The following GRIP2 variants were observed in gnomAD, a reference collection of about 807,000 sequenced individuals.
The protein encoded by GRIP2 is glutamate receptor interacting protein 2.
GRIP2 carries 58 observed loss-of-function variants against 108.3 expected under a neutral mutation model. That is an observed-to-expected ratio of 0.54 (90% confidence interval 0.43 to 0.67). The LOEUF (loss-of-function observed/expected upper bound fraction) is 0.67. Among genes scored for constraint, GRIP2 ranks in the 30% least tolerant of loss-of-function variants. The pLI is 0.00. For missense variants in GRIP2, 1,278 were observed against 1,430.6 expected (o/e 0.89, Z 1.72); for synonymous variants, 586 against 598.2 (o/e 0.98, Z 0.30).
chr3:14,554,285 C>G (rs1486669623), intron 1 of GRIP2, among the ~76,000 whole-genome samples: 2 of 152,170 alleles, frequency 1.3e-5, no homozygotes, highest in East Asian at 3.9e-4. Flanking sequence ...TCCTGCATCT[C>G]CAAGATGCAG....
chr3:14,565,148 T>A, the GRIP2 span, among the ~76,000 whole-genome samples: 1 of 152,088 alleles, frequency 6.6e-6, no homozygotes, highest in Non-Finnish European at 1.5e-5. Context: ...CGCTCTTCCC[T>A]GGGCACCAGC....
At chr3:14,580,185 T>A in the GRIP2 span, among the ~76,000 whole-genome samples, 1 of 152,182 alleles carries the variant, frequency 6.6e-6, no homozygotes. Flanking sequence ...CCAACACTCA[T>A]TTACAAGTAG....
chr3:14,597,558 G>GT, the GRIP2 span, among the ~76,000 whole-genome samples: 77 of 152,162 alleles, frequency 5.1e-4, no homozygotes, highest in Non-Finnish European at 6.0e-4. Flanking sequence ...ATGTGTTTTG[G>GT]TTTTTTTAAA....
rs1701343715 is a variant in GRIP2 at position 14,491,801 on chromosome 3, C to A, written c.*1864G>T. On this transcript the variant is annotated 3_prime_UTR_variant, in exon 24 of 24. Transcript: ENST00000621039. The stretch of plus-strand genomic sequence containing the variant: ...GTCACACAGCTATGGCTGCTTGCAT[C>A]CAGAAGCCACACCTCTGCTGTGCTG... The A allele has an allele frequency of 6.6e-6, 1 of 152,316 alleles. No homozygotes were observed. Among genetic ancestry groups the A allele is most frequent in the Non-Finnish European group, 1.5e-5 (1 of 68,098 alleles). 9.4% of individuals were successfully genotyped at this position (152,316 alleles called of 1,614,324 possible). A position where few individuals can be genotyped will look rare whatever the true frequency, so the allele number is the denominator to read the frequency against.
chr3:14,508,594 C>A (rs926118288), intron 17 of GRIP2, among the ~76,000 whole-genome samples: 1 of 151,952 alleles, frequency 6.6e-6, no homozygotes, highest in African/African-American at 2.4e-5. Context: ...GGATAGTGAG[C>A]GAGTCAGGGA....
intron 1 of GRIP2, among the ~76,000 whole-genome samples, chr3:14,538,261 G>A (rs1049426522): frequency 1.3e-5 from 2 of 152,198 alleles, no homozygotes; most frequent in Non-Finnish European, 2.9e-5. Context: ...ACCAGCAACA[G>A]GGGAGGTCAC....
upstream of GRIP2, among the ~76,000 whole-genome samples, chr3:14,543,175 G>A (rs1230905972): frequency 6.6e-6 from 1 of 152,182 alleles, no homozygotes; most frequent in Non-Finnish European, 1.5e-5. Flanking sequence ...CCAGGCCTGG[G>A]GTGGTCTACT....
At chr3:14,500,244 T>A in intron 21 of GRIP2, among the ~76,000 whole-genome samples, 1 of 151,984 alleles carries the variant, frequency 6.6e-6, no homozygotes, top group East Asian at 1.9e-4. Context: ...AAGGAAAAGT[T>A]AAGAGACATG....
chr3:14,579,776 C>A, the GRIP2 span, among the ~76,000 whole-genome samples: 1 of 152,340 alleles, frequency 6.6e-6, no homozygotes, highest in East Asian at 1.9e-4. Flanking sequence ...GTGCCATCAA[C>A]CCTTATCAAA....
intron 22 of GRIP2, among the ~76,000 whole-genome samples, chr3:14,495,794 T>TCA (rs1490809996): frequency 6.6e-6 from 1 of 152,076 alleles, no homozygotes; most frequent in East Asian, 1.9e-4. Context: ...TACATAGACG[T>TCA]CACACACACA....
chr3:14,552,034 C>T (rs959272752), intron 1 of GRIP2, among the ~76,000 whole-genome samples: 17 of 151,998 alleles, frequency 1.1e-4, no homozygotes, highest in Admixed American at 6.6e-4. Flanking sequence ...AATTCTAGGA[C>T]GAGAGTTTAT....
At chr3:14,524,917 C>G (rs1694512681) in intron 3 of GRIP2, among the ~76,000 whole-genome samples, 1 of 152,176 alleles carries the variant, frequency 6.6e-6, no homozygotes, top group Non-Finnish European at 1.5e-5. Context: ...TGTGTGAGGC[C>G]CAGGGAGGCA....
At chr3:14,592,463 A>T in the GRIP2 span, among the ~76,000 whole-genome samples, 1 of 152,198 alleles carries the variant, frequency 6.6e-6, no homozygotes, top group African/African-American at 2.4e-5. Context: ...GGCCCTGGGA[A>T]GCCTCTTTAA....
At chr3:14,509,738 T>C in intron 17 of GRIP2, 82 bp downstream of exon 17, 1 of 1,291,578 alleles carries the variant, frequency 7.7e-7, no homozygotes, top group Non-Finnish European at 1.0e-6. Context: ...GGTCAGAATC[T>C]TGCTTGGCTT....
At chr3:14,596,914 A>T in the GRIP2 span, among the ~76,000 whole-genome samples, 1 of 152,008 alleles carries the variant, frequency 6.6e-6, no homozygotes, top group African/African-American at 2.4e-5. Context: ...CTGATTTTTT[A>T]AATTTTTTTG....
At chr3:14,513,591 A>G in intron 13 of GRIP2, 74 bp downstream of exon 13, 4 of 1,507,008 alleles carry the variant, frequency 2.7e-6, no homozygotes, top group Non-Finnish European at 3.6e-6. Context: ...GCGTTTGCAC[A>G]GGCGAGGCAG....
the GRIP2 span, among the ~76,000 whole-genome samples, chr3:14,572,255 T>G: frequency 6.7e-6 from 1 of 148,178 alleles, no homozygotes; most frequent in African/African-American, 2.5e-5. Flanking sequence ...ATTCACGCAA[T>G]GGAACTTTTT....
chr3:14,570,498 G>A, the GRIP2 span, among the ~76,000 whole-genome samples: 12 of 152,222 alleles, frequency 7.9e-5, no homozygotes, highest in East Asian at 3.8e-4. Flanking sequence ...TGCAGGTCCC[G>A]TCCTGTCTTT....
chr3:14,503,490 C>G (rs1693824193), intron 21 of GRIP2, 76 bp downstream of exon 21: 1 of 1,003,762 alleles, frequency 1.0e-6, no homozygotes, highest in African/African-American at 1.6e-5. Flanking sequence ...ATCAGCATGC[C>G]TTCCTCCCAT....
Sources: gnomAD v4.1 joint callset for allele counts (sites outside exome capture counted in the v4.1 genomes callset) on GRCh38, gnomAD v4.1.1 for gene constraint, MANE v1.5 for transcripts, NCBI Gene and HGNC (gene_info 2026-07-23, HGNC 2026-07-21) for gene names.